Variants in GPSM2 observed in about 807,000 individuals in gnomAD.
GPSM2 encodes the protein G protein signaling modulator 2, also known as G protein-signaling modulator 2.
Under a neutral mutation model 78.4 loss-of-function variants are expected in GPSM2, and 58 were observed. That is an observed-to-expected ratio of 0.74 (90% CI 0.60 to 0.92). The LOEUF (loss-of-function observed/expected upper bound fraction) is 0.92, where lower values mean the gene tolerates loss of function less well. Ranked by LOEUF, GPSM2 falls within the 40% of genes least tolerant of loss-of-function variation. The pLI, the probability that GPSM2 is intolerant of heterozygous loss-of-function variation, is 0.00. For synonymous variants in GPSM2, 224 were observed against 280.2 expected, an observed-to-expected ratio of 0.80 and a Z score of 2.00; for missense variants, 700 against 815.5, an observed-to-expected ratio of 0.86 and a Z score of 1.73.
chr1:108,921,427 A>G (rs1464088234), intron 12 of GPSM2, among the ~76,000 whole-genome samples: 1 of 152,096 alleles, frequency 6.6e-6, no homozygotes, highest in African/African-American at 2.4e-5. Context: ...AAAAAAAAAA[A>G]AAAATCTGCT....
intron 12 of GPSM2, among the ~76,000 whole-genome samples, chr1:108,919,168 C>G (rs1417062799): frequency 6.6e-6 from 1 of 151,966 alleles, no homozygotes; most frequent in Non-Finnish European, 1.5e-5. Flanking sequence ...CCACCATGCC[C>G]GGCTAATTTT....
Position 108,929,851 on chromosome 1 carries a change from A to G in GPSM2, c.1966A>G (p.Arg656Gly), listed in dbSNP as rs140026774. ...AGTTCTTTTACAAAGAGATCAAAACAGAGACACTGACTTTGGGCTAAAGGA... is the reference window on the plus strand; with the variant it reads ...AGTTCTTTTACAAAGAGATCAAAACGGAGACACTGACTTTGGGCTAAAGGA... The part of the protein sequence containing the change: ...QRVLLQRDQN[R>G]DTDFGLKDFL... The change falls in exon 15 of 15, where the codon AGA becomes GGA. Residue 656 changes from arginine (R) to glycine (G), a missense_variant. Transcript: ENST00000264126. The G allele has an allele frequency of 1.2e-6, 2 of 1,613,816 alleles. No homozygotes were observed. The highest frequency in any genetic ancestry group is 1.7e-6 in the Non-Finnish European group (2 of 1,179,794).
chr1:108,921,711 C>T (rs1650723416), intron 12 of GPSM2, among the ~76,000 whole-genome samples: 1 of 152,150 alleles, frequency 6.6e-6, no homozygotes, highest in Admixed American at 6.5e-5. Context: ...AAACATCTCT[C>T]ACCTCCAAAT....
At position 108,930,036 on chromosome 1, in the gene GPSM2, C is replaced by G. The variant is rs905967634; in HGVS notation, c.*96C>G. On this transcript the variant is annotated 3_prime_UTR_variant, in exon 15 of 15. Transcript: ENST00000264126. ...GAGAATTTATAGCACTGTAATACAGCTTAAAATATTTTTAGAATGATGTAA... is the reference window on the plus strand; with the variant it reads ...GAGAATTTATAGCACTGTAATACAGGTTAAAATATTTTTAGAATGATGTAA... 1 of 1,079,108 alleles carries G rather than the reference C, an allele frequency of 9.3e-7. No individual in the cohort carries two copies. The highest frequency in any genetic ancestry group is 1.6e-5 in the African/African-American group (1 of 63,270). 66.8% of individuals were successfully genotyped at this position (1,079,108 alleles called of 1,614,324 possible).
intron 10 of GPSM2, among the ~76,000 whole-genome samples, chr1:108,912,647 G>C (rs562220763): frequency 1.5e-3 from 223 of 152,080 alleles, no homozygotes; most frequent in Non-Finnish European, 2.8e-3. Flanking sequence ...GGCTGAGGTG[G>C]GAGGATCGCT....
intron 13 of GPSM2, among the ~76,000 whole-genome samples, chr1:108,923,448 A>G (rs1650892587): frequency 6.6e-6 from 1 of 152,248 alleles, no homozygotes; most frequent in Non-Finnish European, 1.5e-5. Context: ...ACGAAGACAG[A>G]CTGAAGAGAA....
intron 10 of GPSM2, among the ~76,000 whole-genome samples, chr1:108,908,623 C>T (rs527714981): frequency 1.3e-4 from 19 of 149,890 alleles, no homozygotes; most frequent in African/African-American, 3.0e-4. Flanking sequence ...TGCAGTGAGC[C>T]GAGATCGCGC....
intron 10 of GPSM2, among the ~76,000 whole-genome samples, chr1:108,913,392 A>C (rs1464110226): frequency 6.6e-6 from 1 of 152,224 alleles, no homozygotes; most frequent in Non-Finnish European, 1.5e-5. Context: ...TGTGGATAGT[A>C]TAAACCAGTT....
At chr1:108,915,018 T>C (rs930440149) in intron 11 of GPSM2, among the ~76,000 whole-genome samples, 8 of 152,144 alleles carry the variant, frequency 5.3e-5, no homozygotes, top group Non-Finnish European at 8.8e-5. Context: ...AAACAGGTTA[T>C]TGAAGAAAAC....
At position 108,929,755 on chromosome 1, in the gene GPSM2, C is replaced by T. The variant is rs763208536; in HGVS notation, c.1870C>T (p.Pro624Ser). ...TCCACCACCTGCTACCACAAAGGGTCCGACAGTACCAGATGAAGACTTTTT... is the reference window on the plus strand; with the variant it reads ...TCCACCACCTGCTACCACAAAGGGTTCGACAGTACCAGATGAAGACTTTTT... ...CAPPPATTKG[P>S]TVPDEDFFSL... Residue 624 changes from proline (P) to serine (S), a missense_variant, in exon 15 of 15, where the codon CCG (proline) becomes TCG (serine). Physicochemically the swap from Pro to Ser is moderately conservative, Grantham distance 74 (BLOSUM62 -1). Coordinates refer to ENST00000264126, the MANE Select transcript of GPSM2 (RefSeq NM_013296.5). The T allele has an allele frequency of 4.3e-6, 7 of 1,612,788 alleles. No homozygotes were observed. The African/African-American group carries it at 6.7e-5, about 15-fold the overall frequency.
intron 11 of GPSM2, among the ~76,000 whole-genome samples, chr1:108,918,279 AAGT>A (rs1650434403): frequency 6.6e-6 from 1 of 152,202 alleles, no homozygotes. Context: ...ACAGATTTTT[AAGT>A]AACTCACGTC....
chr1:108,885,179 G>A, intron 1 of GPSM2, 96 bp from the exon 2 acceptor site: 1 of 192,250 alleles, frequency 5.2e-6, no homozygotes, highest in Non-Finnish European at 1.1e-5. Flanking sequence ...ACAGCAGTCT[G>A]CAGAGTTAGC....
chr1:108,900,032 A>G (rs12734623), intron 7 of GPSM2, among the ~76,000 whole-genome samples: 13,914 of 152,086 alleles, frequency 0.091, 684 homozygotes, highest in Non-Finnish European at 0.1. Flanking sequence ...GGATATAGAG[A>G]AGTCTTAATT....
chr1:108,900,098 G>A (rs1302000268), intron 7 of GPSM2, among the ~76,000 whole-genome samples: 1 of 152,030 alleles, frequency 6.6e-6, no homozygotes, highest in East Asian at 1.9e-4. Context: ...AATGGATAGT[G>A]GCTATTTGAC....
chr1:108,880,259 A>G (rs1034842361), intron 1 of GPSM2, among the ~76,000 whole-genome samples: 18 of 152,304 alleles, frequency 1.2e-4, no homozygotes, highest in Middle Eastern at 3.4e-3. Context: ...ACCCTTTCTA[A>G]GCATTTATAA....
At chr1:108,907,726 A>G (rs1649354601) in intron 10 of GPSM2, among the ~76,000 whole-genome samples, 1 of 152,240 alleles carries the variant, frequency 6.6e-6, no homozygotes, top group Admixed American at 6.5e-5. Flanking sequence ...TTTAATTGTA[A>G]CAATTCTAGT....
At chr1:108,929,582 C>G in intron 14 of GPSM2, 119 bp from the exon 15 acceptor site, 2 of 840,740 alleles carry the variant, frequency 2.4e-6, no homozygotes, top group Admixed American at 2.1e-5. Context: ...AGATTAATTT[C>G]TGAGAAGCCC....
At chr1:108,897,816 A>G (rs951395807) in intron 4 of GPSM2, 143 bp from the exon 5 acceptor site, 10 of 945,398 alleles carry the variant, frequency 1.1e-5, no homozygotes, top group Non-Finnish European at 1.6e-5. Context: ...GGTCTTTCAT[A>G]AGTAATTATT....
chr1:108,910,239 A>G (rs1649626257), intron 10 of GPSM2, among the ~76,000 whole-genome samples: 1 of 152,168 alleles, frequency 6.6e-6, no homozygotes, highest in African/African-American at 2.4e-5. Context: ...GTAAAATGTA[A>G]TGTGAATGGC....
Sources: allele counts gnomAD v4.1 joint callset (sites outside exome capture counted in the v4.1 genomes callset), GRCh38; gene constraint gnomAD v4.1.1; transcripts MANE v1.5; gene names NCBI Gene and HGNC (gene_info 2026-07-23, HGNC 2026-07-21).